Variants in MRE11 observed in about 807,000 individuals in gnomAD.
The protein encoded by MRE11 is double-strand break repair protein MRE11.
Under a neutral mutation model 91.7 loss-of-function variants are expected in MRE11, and 62 were observed. The observed-to-expected ratio is 0.68, with a 90% CI of 0.55 to 0.84. The LOEUF (loss-of-function observed/expected upper bound fraction) is 0.84, where lower values mean the gene tolerates loss of function less well. Among genes scored for constraint, MRE11 ranks in the 40% least tolerant of loss-of-function variants. MRE11 has a pLI of 0.00. For synonymous variants in MRE11, 273 were observed against 271.4 expected (o/e 1.01, Z -0.06); for missense variants, 796 against 852.9 (o/e 0.93, Z 0.83).
chr11:94,507,553 C>T, the MRE11 span, among the ~76,000 whole-genome samples: 635 of 152,214 alleles, frequency 4.2e-3, 2 homozygotes, highest in Non-Finnish European at 6.8e-3. Flanking sequence ...AACAGTTCTC[C>T]AAAGTAGTTC....
chr11:94,492,126 T>C (rs916190342), intron 2 of MRE11, among the ~76,000 whole-genome samples: 1 of 152,080 alleles, frequency 6.6e-6, no homozygotes, highest in Non-Finnish European at 1.5e-5. Context: ...GTCTAAAGTC[T>C]TTCCCACATA....
intron 4 of MRE11, among the ~76,000 whole-genome samples, chr11:94,480,885 A>G (rs746014501): frequency 6.6e-6 from 1 of 152,162 alleles, no homozygotes; most frequent in Non-Finnish European, 1.5e-5. Context: ...GGCCATCCAT[A>G]TTTTCAAAGG....
Position 94,478,716 on chromosome 11 carries a change from TA to T in MRE11, c.544+18del. On this transcript the variant is annotated intron_variant, in intron 6 of 19. Transcript: ENST00000323929. ...AAGAATCACACATGGACATAAACAGTAAAATAAAACTGTCTTACCTAAACCA... is the reference window on the plus strand; with the variant it reads ...AAGAATCACACATGGACATAAACAGTAAATAAAACTGTCTTACCTAAACCA... 1 of 1,611,302 alleles carries T rather than the reference TA, an allele frequency of 6.2e-7. No homozygotes were observed.
At position 94,416,740 on chromosome 11, in the gene MRE11, C is replaced by G. The variant is rs1197773603; in HGVS notation, c.*3385G>C. ...AGGCGTGGTGGTGGGCGCCTGTAGT[C>G]CCAGCTACTTGGGAGGCTGAGGCAG... is the stretch of plus-strand genomic sequence containing the variant. On this transcript the variant is annotated 3_prime_UTR_variant, in exon 20 of 20. Transcript: ENST00000323929. 5 of 150,228 alleles carry G rather than the reference C, an allele frequency of 3.3e-5. No individual in the cohort carries two copies. The highest frequency in any genetic ancestry group is 1.2e-4 in the African/African-American group (5 of 41,042). The allele number at this position is 150,228 out of a possible 1,614,324, so 9.3% of individuals were successfully genotyped here. A position where few individuals can be genotyped will look rare whatever the true frequency, so the allele number is the denominator to read the frequency against.
At position 94,436,982 on chromosome 11, in the gene MRE11, T is replaced by C. The variant is rs13447715; in HGVS notation, c.1926+195A>G. Among the ~76,000 whole-genome samples the C allele has an allele frequency of 0.01, 1,527 of 152,162 alleles. 34 individuals carry two copies. The highest frequency in any genetic ancestry group is 0.035 in the African/African-American group (1,452 of 41,506). ...ATTTATGGATTTCTATAATAACCAT[T>C]ATTTAAAAAAAGAGAGCAACCAAGA... On this transcript the variant is annotated intron_variant, in intron 17 of 19. Coordinates refer to ENST00000323929, the MANE Select transcript of MRE11 (RefSeq NM_005591.4).
chr11:94,482,036 A>C (rs573561652), intron 4 of MRE11, among the ~76,000 whole-genome samples: 1 of 152,376 alleles, frequency 6.6e-6, no homozygotes, highest in African/African-American at 2.4e-5. Flanking sequence ...GAATTTCCCC[A>C]AGTTGCTGAA....
chr11:94,459,468 T>G lies in MRE11; in HGVS notation c.1440A>C (p.Lys480Asn). 6.2e-7 allele frequency: 1 copy of G among 1,614,064 alleles called. No individual in the cohort carries two copies. The highest frequency in any genetic ancestry group is 8.5e-7 in the Non-Finnish European group (1 of 1,179,946). ...GACGTTCTTTAAGAAATCGCTGTGT[T>G]TTTTCCAACTGGTATTTCACTAATT... ...IEELVKYQLE[K>N]TQRFLKERHI... is the part of the protein sequence containing the mutation. Residue 480 changes from lysine to asparagine, a missense_variant, in exon 13 of 20, where the codon AAA becomes AAC. Coordinates refer to ENST00000323929, the MANE Select transcript of MRE11 (RefSeq NM_005591.4).
chr11:94,509,427 T>C, the MRE11 span, among the ~76,000 whole-genome samples: 1 of 152,128 alleles, frequency 6.6e-6, no homozygotes, highest in African/African-American at 2.4e-5. Context: ...ATAGCTTACC[T>C]GTACATTCAT....
intron 19 of MRE11, among the ~76,000 whole-genome samples, chr11:94,429,543 A>G (rs962595659): frequency 6.6e-6 from 1 of 152,208 alleles, no homozygotes; most frequent in Non-Finnish European, 1.5e-5. Flanking sequence ...GGAGGCCACT[A>G]TCCTAAGCAA....
At position 94,418,605 on chromosome 11, in the gene MRE11, C is replaced by T. The variant is rs1452581443; in HGVS notation, c.*1520G>A. On this transcript the variant is annotated 3_prime_UTR_variant, in exon 20 of 20. Transcript: ENST00000323929. ...AGACACTGCCTCCCCTGGTAGCTTC[C>T]ATTACATCATGGACAGCACTGCTCT... The T allele has an allele frequency of 4.3e-6, 1 of 232,308 alleles. No individual in the cohort carries two copies. The highest frequency in any genetic ancestry group is 8.5e-6 in the Non-Finnish European group (1 of 117,568). The allele number at this position is 232,308 out of a possible 1,614,324, so 14.4% of individuals were successfully genotyped here. A position where few individuals can be genotyped will look rare whatever the true frequency, so the allele number is the denominator to read the frequency against.
At chr11:94,502,288 T>C in the MRE11 span, among the ~76,000 whole-genome samples, 2 of 152,248 alleles carry the variant, frequency 1.3e-5, no homozygotes, top group African/African-American at 4.8e-5. Flanking sequence ...GTATTTGATA[T>C]GTATTTGTAA....
upstream of MRE11, chr11:94,496,588 G>A (rs1188291345): frequency 7.6e-6 from 8 of 1,048,792 alleles, no homozygotes; most frequent in African/African-American, 1.6e-5. Flanking sequence ...AATAACTTTT[G>A]TATTTGTGTT....
rs373002609 is a variant in MRE11, at chr11:94,419,465, G to GGGGAGAGAGAGA, written c.*659_*660insTCTCTCTCTCCC. 3,212 of 215,290 alleles carry GGGGAGAGAGAGA rather than the reference G, an allele frequency of 0.015. 27 individuals are homozygous for GGGGAGAGAGAGA. Among genetic ancestry groups the GGGGAGAGAGAGA allele is most frequent in the East Asian group, 0.063 (968 of 15,346 alleles). 13.3% of individuals were successfully genotyped at this position (215,290 alleles called of 1,614,324 possible). On this transcript the variant is annotated 3_prime_UTR_variant, in exon 20 of 20. Transcript: ENST00000323929. ...GAAGAGTGGGGAACGGGGGGGAGAG[G>GGGGAGAGAGAGA]GAGAGAGAGAGAGAGAGAGAGAGAG...
chr11:94,474,118 G>A (rs1946789010), intron 7 of MRE11, among the ~76,000 whole-genome samples: 1 of 152,132 alleles, frequency 6.6e-6, no homozygotes, highest in Non-Finnish European at 1.5e-5. Flanking sequence ...AGCACACCTA[G>A]TACGCATTTG....
rs1378022914 is a variant in MRE11, at chr11:94,439,235, T to C, written c.1868-2000A>G. On this transcript the variant is annotated intron_variant, in intron 16 of 19. Coordinates refer to ENST00000323929, the MANE Select transcript of MRE11 (RefSeq NM_005591.4). ...TTAATTTGTTGCTTCTGTCCCAAAG[T>C]GATGACAAGTATAGTTACTACTTCA... Among the ~76,000 whole-genome samples the C allele has an allele frequency of 2.6e-5, 4 of 152,174 alleles. No individual in the cohort carries two copies. In the South Asian group the frequency reaches 6.2e-4, roughly 24 times the overall value.
intron 7 of MRE11, among the ~76,000 whole-genome samples, 174 bp downstream of exon 7, chr11:94,476,115 A>G (rs184255292): frequency 1.5e-3 from 228 of 152,316 alleles, no homozygotes; most frequent in East Asian, 8.1e-3. Context: ...GTAGGTATTA[A>G]TATATACTAA....
chr11:94,471,644 G>A lies in MRE11; in HGVS notation c.775C>T (p.Gln259Ter), dbSNP rs1060501788. Residue 259 changes from glutamine (Q) to a stop codon, truncating the protein, a stop_gained, in exon 8 of 20, where the codon CAG becomes TAG. Transcript: ENST00000323929. LOFTEE classifies it high-confidence loss of function. ...CCAGGTTGTGAGATATAAAACAGCT[G>A]TTGTTCATTTTTGGTTGGAGCTATT... ...CKIAPTKNEQ[Q>*]LFYISQPGSS... The A allele has an allele frequency of 1.2e-6, 2 of 1,612,876 alleles. No homozygotes were observed. The highest frequency in any genetic ancestry group is 1.7e-6 in the Non-Finnish European group (2 of 1,179,178).
intron 18 of MRE11, among the ~76,000 whole-genome samples, chr11:94,431,439 A>C (rs1445380457): frequency 6.6e-6 from 1 of 152,220 alleles, no homozygotes; most frequent in East Asian, 1.9e-4. Flanking sequence ...TAGAAACACC[A>C]ATCTGCCAAA....
At position 94,478,872 on chromosome 11, in the gene MRE11, T is replaced by C. The variant is rs1408485403; in HGVS notation, c.407A>G (p.Asp136Gly). ...TAAAATGTCCAAGGCACAAAGTGCATCTGCCTATGCAAAATAATTTCAAAG... is the reference window on the plus strand; with the variant it reads ...TAAAATGTCCAAGGCACAAAGTGCACCTGCCTATGCAAAATAATTTCAAAG... ...HGNHDDPTGA[D>G]ALCALDILSC... Residue 136 changes from aspartate (D) to glycine (G), a missense_variant, in exon 6 of 20, where the codon GAT becomes GGT. Coordinates refer to ENST00000323929, the MANE Select transcript of MRE11 (RefSeq NM_005591.4). 1.2e-6 allele frequency: 2 copies of C among 1,613,558 alleles called. No individual in the cohort carries two copies. The highest frequency in any genetic ancestry group is 2.7e-5 in the African/African-American group (2 of 74,932).
Sources: gnomAD v4.1 joint callset for allele counts (sites outside exome capture counted in the v4.1 genomes callset) on GRCh38, gnomAD v4.1.1 for gene constraint, MANE v1.5 for transcripts, NCBI Gene and HGNC (gene_info 2026-07-23, HGNC 2026-07-21) for gene names.